MGAT4C: variants seen among roughly 807,000 people sequenced by gnomAD.
The protein encoded by MGAT4C is MGAT4 family member C, also known as alpha-1,3-mannosyl-glycoprotein 4-beta-N-acetylglucosaminyltransferase C.
In MGAT4C, 19 loss-of-function variants were observed where a neutral mutation model predicts 40.1. The ratio of observed to expected loss-of-function variants is 0.47; its 90% confidence interval spans 0.33 to 0.70. The LOEUF (loss-of-function observed/expected upper bound fraction) is 0.70, where lower values mean the gene tolerates loss of function less well. Among genes scored for constraint, MGAT4C ranks in the 30% least tolerant of loss-of-function variants. The pLI is 0.02. For synonymous variants in MGAT4C, 181 were observed against 187.1 expected, an observed-to-expected ratio of 0.97 and a Z score of 0.27; for missense variants, 491 against 563.2, an observed-to-expected ratio of 0.87 and a Z score of 1.30.
intron 2 of MGAT4C, among the ~76,000 whole-genome samples, chr12:86,508,822 T>A (rs1432738519): frequency 6.7e-6 from 1 of 150,088 alleles, no homozygotes; most frequent in Non-Finnish European, 1.5e-5. Flanking sequence ...ATGGTGAGCA[T>A]TTTTTCATGT....
chr12:86,238,368 C>T (rs547912984), intron 1 of MGAT4C, among the ~76,000 whole-genome samples: 4 of 151,916 alleles, frequency 2.6e-5, no homozygotes, highest in South Asian at 2.1e-4. Flanking sequence ...TTTTCTTATA[C>T]TATCTGATGT....
chr12:86,221,562 T>C (rs565335553), intron 1 of MGAT4C, among the ~76,000 whole-genome samples: 1 of 152,324 alleles, frequency 6.6e-6, no homozygotes, highest in Non-Finnish European at 1.5e-5. Flanking sequence ...CTGTACATAG[T>C]GACCTGCAAT....
chr12:85,980,547 A>C (rs1269431285), intron 4 of MGAT4C, 117 bp from the exon 5 acceptor site: 1 of 879,842 alleles, frequency 1.1e-6, no homozygotes, highest in East Asian at 2.6e-5. Context: ...TAAATCTAGT[A>C]AATGACTATG....
intron 2 of MGAT4C, among the ~76,000 whole-genome samples, chr12:86,558,830 A>G (rs1487880469): frequency 6.6e-6 from 1 of 152,014 alleles, no homozygotes; most frequent in Admixed American, 6.6e-5. Flanking sequence ...CAAAACAATG[A>G]GAAAACAATT....
intron 2 of MGAT4C, among the ~76,000 whole-genome samples, chr12:86,689,478 T>C (rs1950135244): frequency 6.6e-6 from 1 of 152,200 alleles, no homozygotes; most frequent in African/African-American, 2.4e-5. Flanking sequence ...AGGATGGTGA[T>C]CTTTGGATGG....
intron 2 of MGAT4C, among the ~76,000 whole-genome samples, chr12:86,438,560 C>T (rs1772011314): frequency 1.3e-5 from 2 of 151,826 alleles, no homozygotes. Context: ...AACAATAAAA[C>T]ATGAAGAAAA....
intron 2 of MGAT4C, among the ~76,000 whole-genome samples, chr12:86,675,834 T>C (rs553125767): frequency 5.9e-5 from 9 of 152,276 alleles, no homozygotes; most frequent in African/African-American, 2.2e-4. Flanking sequence ...CTGGGAAAAT[T>C]TGAATTATTT....
At chr12:86,505,354 C>G (rs1025159613) in intron 2 of MGAT4C, among the ~76,000 whole-genome samples, 13 of 152,294 alleles carry the variant, frequency 8.5e-5, no homozygotes, top group Admixed American at 8.5e-4. Context: ...AAGGCTCCAG[C>G]ACATGATCAA....
chr12:86,241,643 A>G (rs1951790319), intron 1 of MGAT4C, among the ~76,000 whole-genome samples: 1 of 152,184 alleles, frequency 6.6e-6, no homozygotes, highest in Admixed American at 6.5e-5. Flanking sequence ...CTAAGAGGAA[A>G]AAGATCGCTT....
chr12:86,558,888 G>C (rs1388162928), intron 2 of MGAT4C, among the ~76,000 whole-genome samples: 2 of 151,850 alleles, frequency 1.3e-5, no homozygotes, highest in African/African-American at 4.8e-5. Flanking sequence ...AATGTAGACT[G>C]TAAACAAATC....
chr12:86,102,129 A>G (rs1875208127), intron 1 of MGAT4C, among the ~76,000 whole-genome samples: 1 of 151,968 alleles, frequency 6.6e-6, no homozygotes, highest in African/African-American at 2.4e-5. Context: ...TAAAATATAA[A>G]CAGTTAGTGG....
chr12:86,228,620 C>T (rs1363794036), intron 1 of MGAT4C, among the ~76,000 whole-genome samples: 9 of 151,568 alleles, frequency 5.9e-5, no homozygotes, highest in Non-Finnish European at 1.2e-4. Flanking sequence ...GTATTAGTCC[C>T]CCAGTATTTT....
chr12:86,300,886 A>T (rs956725805), intron 4 of MGAT4C, among the ~76,000 whole-genome samples: 6 of 152,128 alleles, frequency 3.9e-5, no homozygotes, highest in Non-Finnish European at 4.4e-5. Context: ...GAGTATTTAT[A>T]AGTCATTTGT....
intron 1 of MGAT4C, among the ~76,000 whole-genome samples, chr12:86,074,518 C>A (rs1276611429): frequency 2.0e-5 from 3 of 152,138 alleles, no homozygotes; most frequent in East Asian, 1.9e-4. Context: ...TAATGACACT[C>A]TATGTAAAAC....
At chr12:86,214,217 T>C (rs1950586001) in intron 1 of MGAT4C, among the ~76,000 whole-genome samples, 1 of 152,206 alleles carries the variant, frequency 6.6e-6, no homozygotes, top group South Asian at 2.1e-4. Context: ...GTACGTCTTG[T>C]ATCCTCTGCA....
At chr12:86,382,460 G>T (rs1251571563) in intron 3 of MGAT4C, among the ~76,000 whole-genome samples, 1 of 152,198 alleles carries the variant, frequency 6.6e-6, no homozygotes, top group African/African-American at 2.4e-5. Flanking sequence ...CAAAAAATTT[G>T]CAGCCTGACA....
intron 1 of MGAT4C, among the ~76,000 whole-genome samples, chr12:86,786,781 G>A (rs755676194): frequency 6.6e-6 from 1 of 152,046 alleles, no homozygotes; most frequent in Non-Finnish European, 1.5e-5. Context: ...TTCACATACA[G>A]CTGAGCTTAT....
rs142330408 is a variant in MGAT4C, at chr12:86,738,366, A to G, written c.-261-11125T>C. On this transcript the variant is annotated intron_variant, in intron 1 of 7. Coordinates refer to the MGAT4C transcript ENST00000548651. ...AGACTTAACATGTCCTTAACTTTTT[A>G]AAAAATTGTATCACTTGCTACTATT... Among the ~76,000 whole-genome samples, 552 of 151,560 alleles carry G rather than the reference A, an allele frequency of 3.6e-3. 6 individuals carry two copies. Among genetic ancestry groups the G allele is most frequent in the African/African-American group, 0.013 (527 of 41,478 alleles).
intron 1 of MGAT4C, among the ~76,000 whole-genome samples, chr12:86,755,050 G>T (rs1277581987): frequency 6.6e-6 from 1 of 152,116 alleles, no homozygotes; most frequent in Non-Finnish European, 1.5e-5. Flanking sequence ...ATACTAATCT[G>T]TATGTTGCTG....
Sources: allele counts gnomAD v4.1 joint callset (sites outside exome capture counted in the v4.1 genomes callset), GRCh38; gene constraint gnomAD v4.1.1; transcripts MANE v1.5; gene names NCBI Gene and HGNC (gene_info 2026-07-23, HGNC 2026-07-21).